PACS1: variants seen among roughly 807,000 people sequenced by gnomAD.
PACS1 encodes the protein PACS-1.
A neutral mutation model predicts 115.0 loss-of-function variants in PACS1; 24 were observed. The observed-to-expected ratio is 0.21, with a 90% CI of 0.15 to 0.29. PACS1 has a LOEUF of 0.29. PACS1 is among the 10% of genes least tolerant of loss of function. The probability of loss-of-function intolerance (pLI) is 1.00; values close to 1 mark genes in which losing one functional copy is unlikely to be tolerated. For synonymous variants in PACS1, 453 were observed against 504.5 expected, an observed-to-expected ratio of 0.90 and a Z score of 1.37; for missense variants, 838 against 1,251.2, an observed-to-expected ratio of 0.67 and a Z score of 4.98.
intron 1 of PACS1, among the ~76,000 whole-genome samples, chr11:66,164,021 T>A (rs1859545116): frequency 1.3e-5 from 2 of 152,186 alleles, no homozygotes; most frequent in African/African-American, 4.8e-5. Context: ...TGTCAGAAGC[T>A]GAACTTTGTG....
chr11:66,116,258 C>T (rs1488451890), intron 1 of PACS1, among the ~76,000 whole-genome samples: 1 of 152,200 alleles, frequency 6.6e-6, no homozygotes, highest in African/African-American at 2.4e-5. Flanking sequence ...CTATTTTGTT[C>T]TCTGGCCTGA....
At chr11:66,141,908 C>A (rs957749447) in intron 1 of PACS1, among the ~76,000 whole-genome samples, 1 of 151,892 alleles carries the variant, frequency 6.6e-6, no homozygotes, top group Non-Finnish European at 1.5e-5. Flanking sequence ...CGGGTTCAAG[C>A]GATTCTCCTG....
At chr11:66,104,615 G>A (rs762782486) in intron 1 of PACS1, among the ~76,000 whole-genome samples, 5 of 152,162 alleles carry the variant, frequency 3.3e-5, no homozygotes, top group African/African-American at 4.8e-5. Flanking sequence ...GCCAACCTCT[G>A]ATCTAGAAGA....
At chr11:66,216,372 C>G in intron 5 of PACS1, 109 bp downstream of exon 5, 7 of 1,473,352 alleles carry the variant, frequency 4.8e-6, no homozygotes, top group Non-Finnish European at 9.3e-7. Flanking sequence ...TTAGAGACCC[C>G]TGAAAGTAAA....
At chr11:66,118,769 C>CAAAAAAAAAAAAAAA (rs397945291) in intron 1 of PACS1, among the ~76,000 whole-genome samples, 6 of 83,610 alleles carry the variant, frequency 7.2e-5, no homozygotes, top group African/African-American at 9.2e-5. Context: ...CCCATGTCTA[C>CAAAAAAAAAAAAAAA]AAAAAAAAAA....
chr11:66,223,909 C>T (rs1855413846), intron 10 of PACS1, among the ~76,000 whole-genome samples: 1 of 152,142 alleles, frequency 6.6e-6, no homozygotes, highest in South Asian at 2.1e-4. Flanking sequence ...GCTCAAAAGC[C>T]AGTTGAGGGC....
At chr11:66,159,075 A>G (rs1859428036) in intron 1 of PACS1, among the ~76,000 whole-genome samples, 1 of 152,230 alleles carries the variant, frequency 6.6e-6, no homozygotes, top group East Asian at 1.9e-4. Flanking sequence ...AGCCTGATGG[A>G]AAAATTTTCA....
Position 66,243,506 on chromosome 11 carries a change from C to T in PACS1, c.*226C>T. The T allele has an allele frequency of 1.8e-6, 1 of 570,386 alleles. No homozygotes were observed. Among genetic ancestry groups the T allele is most frequent in the Non-Finnish European group, 3.2e-6 (1 of 317,432 alleles). 35.3% of individuals were successfully genotyped at this position (570,386 alleles called of 1,614,324 possible). A position where few individuals can be genotyped will look rare whatever the true frequency, so the allele number is the denominator to read the frequency against. On this transcript the variant is annotated 3_prime_UTR_variant, in exon 24 of 24. Coordinates refer to ENST00000320580, the MANE Select transcript of PACS1 (RefSeq NM_018026.4). The stretch of plus-strand genomic sequence containing the variant: ...CTCCTTCCCGCTTTTCCCCTTCTCC[C>T]TCCTGCTCCAGGCCCAAGGCGTGTT...
At chr11:66,237,186 G>T (rs1407485604) in intron 19 of PACS1, among the ~76,000 whole-genome samples, 1 of 152,190 alleles carries the variant, frequency 6.6e-6, no homozygotes, top group Non-Finnish European at 1.5e-5. Flanking sequence ...CAAAGTGCTG[G>T]GATTACAGGC....
intron 1 of PACS1, among the ~76,000 whole-genome samples, chr11:66,165,808 G>A (rs1859587608): frequency 6.6e-6 from 1 of 151,942 alleles, no homozygotes; most frequent in African/African-American, 2.4e-5. Flanking sequence ...TGAACTCCTG[G>A]GCTTAAAGGA....
chr11:66,120,869 C>T (rs1263728327), intron 1 of PACS1, among the ~76,000 whole-genome samples: 1 of 152,176 alleles, frequency 6.6e-6, no homozygotes, highest in Non-Finnish European at 1.5e-5. Context: ...CTTACTTATC[C>T]TTCAGAGCCC....
chr11:66,143,476 C>T (rs1393431986), intron 1 of PACS1, among the ~76,000 whole-genome samples: 1 of 152,138 alleles, frequency 6.6e-6, no homozygotes, highest in Non-Finnish European at 1.5e-5. Flanking sequence ...CTGGTTGCTT[C>T]TGAGTCCTTG....
rs1855567530 is a variant in PACS1 at position 66,230,496 on chromosome 11, G to A, written c.1375-52G>A. 5.6e-6 allele frequency: 7 copies of A among 1,257,390 alleles called. No homozygotes were observed. In the South Asian group the frequency reaches 7.2e-5, roughly 13 times the overall value. The allele number at this position is 1,257,390 out of a possible 1,614,324, so 77.9% of individuals were successfully genotyped here. A position where few individuals can be genotyped will look rare whatever the true frequency, so the allele number is the denominator to read the frequency against. On this transcript the variant is annotated intron_variant, in intron 11 of 23. Coordinates refer to ENST00000320580, the MANE Select transcript of PACS1 (RefSeq NM_018026.4). ...CCTGGCCAGTCCAAGGAGGCTCCTG[G>A]GTGGTCACTGAGTGGGAGGTCATCT...
intron 9 of PACS1, 88 bp from the exon 10 acceptor site, chr11:66,221,066 C>G: frequency 7.7e-7 from 1 of 1,291,680 alleles, no homozygotes; most frequent in South Asian, 1.2e-5. Flanking sequence ...GCTTGTTGAC[C>G]CACCCTGAAT....
At chr11:66,200,343 G>A (rs761916423) in intron 2 of PACS1, among the ~76,000 whole-genome samples, 37 of 152,140 alleles carry the variant, frequency 2.4e-4, no homozygotes, top group Non-Finnish European at 2.9e-4. Context: ...AGAGTGAGAC[G>A]CTGTCTCAGA....
intron 1 of PACS1, among the ~76,000 whole-genome samples, chr11:66,175,171 GA>G (rs67984094): frequency 3.3e-5 from 5 of 149,844 alleles, no homozygotes; most frequent in South Asian, 4.2e-4. Flanking sequence ...GAAAAAAAAA[GA>G]AAAAAAAATG....
chr11:66,234,082 ACT>A, intron 16 of PACS1, 48 bp from the exon 17 acceptor site: 1 of 1,527,286 alleles, frequency 6.5e-7, no homozygotes, highest in Non-Finnish European at 9.1e-7. Context: ...CTGCTCCCAC[ACT>A]GTCTCATCTC....
Position 66,233,918 on chromosome 11 carries a change from C to A in PACS1, c.1972C>A (p.Arg658Ser). ...NKTSDWLGYM[R>S]FLIIPLGSHP... is the part of the protein sequence containing the mutation. ...GACCTCCGACTGGCTTGGCTACATG[C>A]GCTTCCTCATCATCCCCCTCGGTAA... Residue 658 changes from arginine to serine, a missense_variant, in exon 16 of 24, where the codon CGC becomes AGC. This residue lies in a region of PACS1 where 383 missense variants were observed against 537.0 expected (regional missense o/e 0.71). Transcript: ENST00000320580. This position sits in a 1 kb window ranked among gnomAD's most constrained non-coding sequence, Gnocchi z 4.5. The A allele has an allele frequency of 1.3e-6, 2 of 1,579,848 alleles. No individual in the cohort carries two copies. Among genetic ancestry groups the A allele is most frequent in the Non-Finnish European group, 8.6e-7 (1 of 1,160,534 alleles).
At chr11:66,215,834 A>G (rs1466648105) in intron 4 of PACS1, among the ~76,000 whole-genome samples, 2 of 151,374 alleles carry the variant, frequency 1.3e-5, no homozygotes, top group African/African-American at 4.9e-5. Context: ...TGGGAGGCAG[A>G]GGTTGCAGTG....
Sources: gnomAD v4.1 joint callset for allele counts (sites outside exome capture counted in the v4.1 genomes callset) on GRCh38, gnomAD v4.1.1 for gene constraint, gnomAD v4.1.1 regional missense constraint, Gnocchi (gnomAD v3.1) non-coding constraint, MANE v1.5 for transcripts, NCBI Gene and HGNC (gene_info 2026-07-23, HGNC 2026-07-21) for gene names.